The following GREB1 variants were observed in gnomAD, a reference collection of about 807,000 sequenced individuals.
The protein encoded by GREB1 is growth regulating estrogen receptor binding 1.
GREB1 carries 106 observed loss-of-function variants against 200.7 expected under a neutral mutation model. The observed-to-expected ratio is 0.53, with a 90% CI of 0.45 to 0.62. The LOEUF (loss-of-function observed/expected upper bound fraction) is 0.62. Among genes scored for constraint, GREB1 ranks in the 20% least tolerant of loss-of-function variants. GREB1 has a pLI of 0.00. For synonymous variants in GREB1, 1,132 were observed against 1,092.4 expected, an observed-to-expected ratio of 1.04 and a Z score of -0.72; for missense variants, 2,243 against 2,556.8, an observed-to-expected ratio of 0.88 and a Z score of 2.65.
At chr2:11,623,486 A>C (rs1684171856) in intron 23 of GREB1, among the ~76,000 whole-genome samples, 2 of 152,240 alleles carry the variant, frequency 1.3e-5, no homozygotes, top group African/African-American at 4.8e-5. Flanking sequence ...GCTGCCCCTG[A>C]AGACCTTCTA....
At position 11,640,636 on chromosome 2, in the gene GREB1, C is replaced by G; in HGVS notation, c.*182C>G. ...GTGGTCCTGGGAGCCAGGAAGACTCCGCAGTGGGTGAGAATGAAAACTTGA... is the reference window on the plus strand; with the variant it reads ...GTGGTCCTGGGAGCCAGGAAGACTCGGCAGTGGGTGAGAATGAAAACTTGA... On this transcript the variant is annotated 3_prime_UTR_variant, in exon 33 of 33. Coordinates refer to ENST00000381486, the MANE Select transcript of GREB1 (RefSeq NM_014668.4). This position sits in a 1 kb window ranked among gnomAD's most constrained non-coding sequence, Gnocchi z 4.6. 1.6e-6 allele frequency: 1 copy of G among 626,820 alleles called. No individual in the cohort carries two copies. The highest frequency in any genetic ancestry group is 2.2e-5 in the South Asian group (1 of 45,728). 38.8% of individuals were successfully genotyped at this position (626,820 alleles called of 1,614,324 possible).
At chr2:11,506,000 C>T (rs1468084307) in intron 1 of GREB1, among the ~76,000 whole-genome samples, 1 of 152,148 alleles carries the variant, frequency 6.6e-6, no homozygotes, top group Non-Finnish European at 1.5e-5. Flanking sequence ...AGAGGCAGAG[C>T]AATTTACTAA....
intron 1 of GREB1, among the ~76,000 whole-genome samples, chr2:11,501,895 GT>G (rs148843809): frequency 8.8e-5 from 4 of 45,564 alleles, no homozygotes; most frequent in African/African-American, 1.8e-4. Context: ...TGGATTTCCT[GT>G]TTTTTTTTGT....
At chr2:11,535,213 C>T (rs138513117) in intron 1 of GREB1, among the ~76,000 whole-genome samples, 68 of 152,242 alleles carry the variant, frequency 4.5e-4, no homozygotes, top group African/African-American at 1.6e-3. Context: ...ATCTGAGTCT[C>T]TGCATTTCCT....
chr2:11,623,725 T>C (rs892673870), intron 23 of GREB1, among the ~76,000 whole-genome samples: 2 of 152,192 alleles, frequency 1.3e-5, no homozygotes, highest in African/African-American at 2.4e-5. Flanking sequence ...ACCTCGTCTC[T>C]ACTAAAAGTA....
At position 11,630,433 on chromosome 2, in the gene GREB1, G is replaced by A. The variant is rs138235898; in HGVS notation, c.4611+324G>A. Among the ~76,000 whole-genome samples the A allele has an allele frequency of 4.5e-3, 692 of 152,306 alleles. 5 individuals carry two copies. Among genetic ancestry groups the A allele is most frequent in the African/African-American group, 0.016 (671 of 41,552 alleles). On this transcript the variant is annotated intron_variant, in intron 26 of 32. Transcript: ENST00000381486. ...TAACTGATGAAAGGCCCTATCTTCC[G>A]TGCCCGGAAGATAACAGGAGCTGGG...
chr2:11,538,772 CT>C (rs1674459060), intron 1 of GREB1, among the ~76,000 whole-genome samples: 1 of 30,340 alleles, frequency 3.3e-5, no homozygotes, highest in Non-Finnish European at 1.1e-4. Context: ...TCCTTCCTTC[CT>C]TCCCGTCTTC....
At chr2:11,602,270 G>A in intron 16 of GREB1, 136 bp from the exon 17 acceptor site, 3 of 672,768 alleles carry the variant, frequency 4.5e-6, no homozygotes, top group Non-Finnish European at 8.0e-6. Context: ...TTTATAAAAT[G>A]CCATCCAAGC....
At chr2:11,523,294 C>T (rs12466575) in intron 1 of GREB1, among the ~76,000 whole-genome samples, 97,033 of 151,834 alleles carry the variant, frequency 0.64, 32,718 homozygotes, top group South Asian at 0.84. Context: ...ACTTTGTACC[C>T]GGGTGATGAA....
chr2:11,626,872 T>G, intron 24 of GREB1, 90 bp from the exon 25 acceptor site: 3 of 1,330,258 alleles, frequency 2.3e-6, no homozygotes, highest in Non-Finnish European at 3.2e-6. Flanking sequence ...TGTCTGGTCA[T>G]TTGAGCATTT....
At chr2:11,581,409 T>G (rs11674184) in intron 7 of GREB1, 69,365 of 191,110 alleles carry the variant, frequency 0.36, 13,320 homozygotes, top group Admixed American at 0.47. Context: ...CAGGGAAGGC[T>G]TCCTGGAGGA....
intron 1 of GREB1, among the ~76,000 whole-genome samples, chr2:11,499,027 G>T (rs757997018): frequency 7.9e-5 from 12 of 152,176 alleles, no homozygotes; most frequent in Non-Finnish European, 1.5e-4. Context: ...CTGGTGGTGG[G>T]GGGGTGGAAC....
chr2:11,537,111 C>T (rs1674327826), intron 1 of GREB1, among the ~76,000 whole-genome samples: 1 of 151,990 alleles, frequency 6.6e-6, no homozygotes, highest in South Asian at 2.1e-4. Flanking sequence ...TACAGGCACC[C>T]GCCACCGCGC....
intron 8 of GREB1, 72 bp downstream of exon 8, chr2:11,585,346 ATGTGTGCG>A (rs1252899055): frequency 3.9e-5 from 36 of 928,656 alleles, no homozygotes; most frequent in South Asian, 2.4e-4. Context: ...AGTTGTGTGT[ATGTGTGCG>A]TGTGTGCGTG....
intron 5 of GREB1, among the ~76,000 whole-genome samples, chr2:11,576,908 G>A (rs1261181847): frequency 1.3e-5 from 2 of 152,114 alleles, no homozygotes; most frequent in Admixed American, 6.5e-5. Context: ...GGTGGTGCCC[G>A]CCTGTAATCC....
intron 17 of GREB1, among the ~76,000 whole-genome samples, chr2:11,607,599 T>TGCATATAG (rs1682501750): frequency 4.8e-5 from 2 of 42,076 alleles, no homozygotes; most frequent in African/African-American, 1.4e-4. Flanking sequence ...TATACATATA[T>TGCATATAG]ATACATATAT....
At position 11,548,335 on chromosome 2, in the gene GREB1, C is replaced by T. The variant is rs893849623; in HGVS notation, c.-161-8119C>T. Among the ~76,000 whole-genome samples the T allele has an allele frequency of 3.4e-5, 5 of 145,228 alleles. No homozygotes were observed. In the East Asian group the frequency reaches 7.7e-4, roughly 22 times the overall value. On this transcript the variant is annotated intron_variant, in intron 1 of 32. Coordinates refer to ENST00000381486, the MANE Select transcript of GREB1 (RefSeq NM_014668.4). This position sits in a 1 kb window ranked among gnomAD's most constrained non-coding sequence, Gnocchi z 5.1. The stretch of plus-strand genomic sequence containing the variant: ...GCACACACACGCACACACCCAGACA[C>T]GTGCACACATGCATATACCCCAACA...
intron 1 of GREB1, among the ~76,000 whole-genome samples, chr2:11,503,114 A>C (rs1304274474): frequency 1.3e-5 from 1 of 74,516 alleles, no homozygotes; most frequent in Non-Finnish European, 2.7e-5. Context: ...CTCTCATCTT[A>C]TTTCCCCACC....
In GREB1 at chr2:11,641,401, A is replaced by G. The variant is rs1278807452; in HGVS notation, c.*947A>G. On this transcript the variant is annotated 3_prime_UTR_variant, in exon 33 of 33. Coordinates refer to ENST00000381486, the MANE Select transcript of GREB1 (RefSeq NM_014668.4). ...TCACTTGACTAGAGAGGAGGTGGGA[A>G]CAGAAGAGAGAAGGAGGCAGGGAGA... 6.6e-6 allele frequency: 1 copy of G among 152,262 alleles called. No individual in the cohort carries two copies. The highest frequency in any genetic ancestry group is 1.5e-5 in the Non-Finnish European group (1 of 68,054). 9.4% of individuals were successfully genotyped at this position (152,262 alleles called of 1,614,324 possible). A position where few individuals can be genotyped will look rare whatever the true frequency, so the allele number is the denominator to read the frequency against.
Sources: gnomAD v4.1 joint callset for allele counts (sites outside exome capture counted in the v4.1 genomes callset) on GRCh38, gnomAD v4.1.1 for gene constraint, Gnocchi (gnomAD v3.1) non-coding constraint, MANE v1.5 for transcripts, NCBI Gene and HGNC (gene_info 2026-07-23, HGNC 2026-07-21) for gene names.